The following RIMS3 variants were observed in gnomAD, a reference collection of about 807,000 sequenced individuals.
RIMS3 encodes regulating synaptic membrane exocytosis 3, also known as regulating synaptic membrane exocytosis protein 3.
Under a neutral mutation model 29.2 loss-of-function variants are expected in RIMS3, and 15 were observed. The ratio of observed to expected loss-of-function variants is 0.51; its 90% CI spans 0.34 to 0.79. The LOEUF (loss-of-function observed/expected upper bound fraction) is 0.79. RIMS3 is among the 30% of genes least tolerant of loss of function. RIMS3 has a pLI of 0.01. For synonymous variants in RIMS3, 161 were observed against 170.1 expected, an observed-to-expected ratio of 0.95 and a Z score of 0.41; for missense variants, 342 against 421.4, an observed-to-expected ratio of 0.81 and a Z score of 1.65.
rs573754596 is a variant in RIMS3 at position 40,651,923 on chromosome 1, A to G, written c.-206-4081T>C. On this transcript the variant is annotated intron_variant, in intron 1 of 7. Transcript: ENST00000372684. ...ATTTCCACCAATGTGTGTTTTGTGA[A>G]GAGGGAAAAGTTCTTCTATCTGCTT... Among the ~76,000 whole-genome samples, 7 of 152,358 alleles carry G rather than the reference A, an allele frequency of 4.6e-5. No homozygotes were observed. In the Middle Eastern group the frequency reaches 0.014, roughly 296 times the overall value.
chr1:40,667,364 A>C (rs1022392142), upstream of RIMS3, among the ~76,000 whole-genome samples: 1 of 151,958 alleles, frequency 6.6e-6, no homozygotes, highest in South Asian at 2.1e-4. Flanking sequence ...GGTGGGATGG[A>C]GGCCAGGGCA....
At chr1:40,653,261 G>C (rs1642219496) in intron 1 of RIMS3, among the ~76,000 whole-genome samples, 1 of 152,300 alleles carries the variant, frequency 6.6e-6, no homozygotes, top group East Asian at 1.9e-4. Context: ...AGAGAGCAGA[G>C]AGTGAGGAAA....
At chr1:40,680,863 C>T in the RIMS3 span, among the ~76,000 whole-genome samples, 1 of 151,934 alleles carries the variant, frequency 6.6e-6, no homozygotes, top group Non-Finnish European at 1.5e-5. Context: ...CATATTATAC[C>T]ATGCCATTAT....
chr1:40,687,005 C>CAAA, the RIMS3 span, among the ~76,000 whole-genome samples: 5 of 142,646 alleles, frequency 3.5e-5, no homozygotes, highest in African/African-American at 5.2e-5. Flanking sequence ...GGTGGCTCCT[C>CAAA]AAAAAAAAAA....
At position 40,650,762 on chromosome 1, in the gene RIMS3, A is replaced by G. The variant is rs865945589; in HGVS notation, c.-206-2920T>C. On this transcript the variant is annotated intron_variant, in intron 1 of 7. Coordinates refer to ENST00000372684, the MANE Select transcript of RIMS3 (RefSeq NM_014747.3). The stretch of plus-strand genomic sequence containing the variant: ...ACACCTGTAGTCCCAGCTACTCGGG[A>G]GGCTGAGGTGGGAGGATGGCTTGAG... 6.3e-5 allele frequency among the ~76,000 whole-genome samples: 9 copies of G among 143,652 alleles called. No individual in the cohort carries two copies. In the Middle Eastern group the frequency reaches 0.011, roughly 175 times the overall value. 94.2% of individuals were successfully genotyped at this position (143,652 alleles called of 152,430 possible).
intron 1 of RIMS3, among the ~76,000 whole-genome samples, chr1:40,664,950 G>T (rs955229159): frequency 6.6e-6 from 1 of 152,078 alleles, no homozygotes; most frequent in Non-Finnish European, 1.5e-5. Flanking sequence ...GGGTGGAGGG[G>T]GTCCTCTGGA....
the RIMS3 span, among the ~76,000 whole-genome samples, chr1:40,672,006 C>G: frequency 2.6e-5 from 4 of 152,002 alleles, no homozygotes; most frequent in African/African-American, 9.7e-5. Context: ...GATCTGCCCA[C>G]CTCAGCCTCC....
At chr1:40,645,256 GAGA>G (rs1646587042) in intron 2 of RIMS3, among the ~76,000 whole-genome samples, 1 of 152,200 alleles carries the variant, frequency 6.6e-6, no homozygotes. Context: ...TGGAAGGTGG[GAGA>G]AGGCTTATCT....
At chr1:40,643,409 A>G (rs1295643704) in intron 2 of RIMS3, among the ~76,000 whole-genome samples, 1 of 151,738 alleles carries the variant, frequency 6.6e-6, no homozygotes, top group Admixed American at 6.6e-5. Context: ...CTGGGATTAT[A>G]GACATGAGCC....
intron 2 of RIMS3, among the ~76,000 whole-genome samples, chr1:40,642,176 C>T (rs920065585): frequency 7.2e-5 from 11 of 152,154 alleles, no homozygotes; most frequent in African/African-American, 1.2e-4. Context: ...TGCAGGTGAC[C>T]GGTTTGATGG....
intron 7 of RIMS3, among the ~76,000 whole-genome samples, chr1:40,627,503 CA>C: frequency 6.6e-6 from 1 of 152,346 alleles, no homozygotes; most frequent in Non-Finnish European, 1.5e-5. Context: ...GCTGGGATTA[CA>C]GGCGTAAGCC....
chr1:40,643,978 G>A (rs1444970538), intron 2 of RIMS3, among the ~76,000 whole-genome samples: 2 of 152,012 alleles, frequency 1.3e-5, no homozygotes, highest in African/African-American at 4.8e-5. Flanking sequence ...ATTAATTTAA[G>A]GCAATCTGTG....
intron 3 of RIMS3, among the ~76,000 whole-genome samples, chr1:40,638,614 G>C (rs545319684): frequency 5.3e-5 from 8 of 152,300 alleles, no homozygotes; most frequent in African/African-American, 1.9e-4. Context: ...CCAGAGTCCA[G>C]AAGGGGAAAG....
chr1:40,641,561 G>T (rs1557673424), intron 3 of RIMS3, 148 bp downstream of exon 3: 2 of 712,518 alleles, frequency 2.8e-6, no homozygotes, highest in Non-Finnish European at 4.8e-6. Flanking sequence ...ACACCTACTG[G>T]ACCTAGAACA....
At chr1:40,667,135 T>C (rs150541765), upstream of RIMS3, among the ~76,000 whole-genome samples, 1 of 152,298 alleles carries the variant, frequency 6.6e-6, no homozygotes, top group Non-Finnish European at 1.5e-5. Context: ...CCTTCCCTTC[T>C]CACCTGGTCT....
Position 40,626,450 on chromosome 1 carries a change from C to G in RIMS3, c.*67G>C. On this transcript the variant is annotated 3_prime_UTR_variant, in exon 8 of 8. Transcript: ENST00000372684. ...TCCAGAAAGACACGAAGACTATGTA[C>G]AGGGGAGGACATGGGGCCAGCAGGC... 1 of 1,372,754 alleles carries G rather than the reference C, an allele frequency of 7.3e-7. No homozygotes were observed. The highest frequency in any genetic ancestry group is 1.2e-5 in the South Asian group (1 of 80,732). The allele number at this position is 1,372,754 out of a possible 1,614,324, so 85.0% of individuals were successfully genotyped here. A position where few individuals can be genotyped will look rare whatever the true frequency, so the allele number is the denominator to read the frequency against.
intron 6 of RIMS3, 139 bp from the exon 7 acceptor site, chr1:40,629,088 G>T: frequency 8.5e-7 from 1 of 1,181,876 alleles, no homozygotes; most frequent in Non-Finnish European, 1.2e-6. Context: ...GGCAGAAGAG[G>T]TGACTCAAGT....
rs1646558571 is a variant in RIMS3, at chr1:40,641,692, G to A, written c.217+17C>T. 1.2e-6 allele frequency: 2 copies of A among 1,613,140 alleles called. No individual in the cohort carries two copies. Among genetic ancestry groups the A allele is most frequent in the Non-Finnish European group, 8.5e-7 (1 of 1,179,318 alleles). On this transcript the variant is annotated intron_variant, in intron 3 of 7. Coordinates refer to ENST00000372684, the MANE Select transcript of RIMS3 (RefSeq NM_014747.3). Reference sequence around the variant, plus strand: ...GTGTCCCCCACCTCTACCCCGTGATGTCCCATGCCCCCTCACCAGGCTGCG... The same window carrying A: ...GTGTCCCCCACCTCTACCCCGTGATATCCCATGCCCCCTCACCAGGCTGCG...
rs1364097170 is a variant in RIMS3 at position 40,622,101 on chromosome 1, G to A, written c.*4416C>T. 1.3e-5 allele frequency: 2 copies of A among 152,732 alleles called. No individual in the cohort carries two copies. The highest frequency in any genetic ancestry group is 2.4e-5 in the African/African-American group (1 of 41,432). 9.5% of individuals were successfully genotyped at this position (152,732 alleles called of 1,614,324 possible). On this transcript the variant is annotated 3_prime_UTR_variant, in exon 8 of 8. Transcript: ENST00000372684. ...GGAGGGAAAGTTGCTTTGCTACATG[G>A]AAAGATTAAGCCCTTTATCAGAGAA...
Sources: allele counts gnomAD v4.1 joint callset (sites outside exome capture counted in the v4.1 genomes callset), GRCh38; gene constraint gnomAD v4.1.1; transcripts MANE v1.5; gene names NCBI Gene and HGNC (gene_info 2026-07-23, HGNC 2026-07-21).